Variants in MAST4 observed in about 807,000 individuals in gnomAD.
MAST4 encodes microtubule-associated serine/threonine-protein kinase 4.
A neutral mutation model predicts 162.7 loss-of-function variants in MAST4; 89 were observed. The observed-to-expected ratio is 0.55, with a 90% CI of 0.46 to 0.65. The LOEUF is 0.65. Ranked by LOEUF, MAST4 falls within the 30% of genes least tolerant of loss-of-function variation. The pLI is 0.00. For missense variants in MAST4, 3,153 were observed against 3,374.0 expected (o/e 0.93, Z 1.62); for synonymous variants, 1,479 against 1,361.1 (o/e 1.09, Z -1.91).
rs1406721966 is a variant in MAST4, at chr5:66,919,939, TC to T, written c.674+19959del. 3.1e-3 allele frequency among the ~76,000 whole-genome samples: 442 copies of T among 141,540 alleles called. 9 individuals carry two copies. Among genetic ancestry groups the T allele is most frequent in the South Asian group, 0.018 (74 of 4,194 alleles). 92.9% of individuals were successfully genotyped at this position (141,540 alleles called of 152,430 possible). A position where few individuals can be genotyped will look rare whatever the true frequency, so the allele number is the denominator to read the frequency against. ...TTCCTTCCTTCCTTCCTTCCTTCCT[TC>T]CTTCCTTCCTTCCTTCCTTCCTTCC... On this transcript the variant is annotated intron_variant, in intron 4 of 28. Coordinates refer to ENST00000403625, the MANE Select transcript of MAST4 (RefSeq NM_001164664.2).
At chr5:66,647,340 A>T (rs1237078203) in intron 1 of MAST4, among the ~76,000 whole-genome samples, 1 of 152,112 alleles carries the variant, frequency 6.6e-6, no homozygotes, top group Non-Finnish European at 1.5e-5. Flanking sequence ...CTCTCCTCCC[A>T]TTCCCCAGTG....
rs1182153155 is a variant in MAST4, at chr5:66,930,834, T to C, written c.674+30852T>C. On this transcript the variant is annotated intron_variant, in intron 4 of 28. Transcript: ENST00000403625. The stretch of plus-strand genomic sequence containing the variant: ...CTTTAGGATTACACAGTGCTGGACC[T>C]TTGAGGAAGGAGAAGCAGAGATGGA... The C allele has an allele frequency of 8.5e-6, 4 of 468,834 alleles. No homozygotes were observed. In the East Asian group the frequency reaches 2.8e-4, roughly 33 times the overall value. 29.0% of individuals were successfully genotyped at this position (468,834 alleles called of 1,614,324 possible). A position where few individuals can be genotyped will look rare whatever the true frequency, so the allele number is the denominator to read the frequency against.
chr5:67,111,222 TTAAAG>T (rs1172482705), intron 11 of MAST4, among the ~76,000 whole-genome samples: 3 of 152,206 alleles, frequency 2.0e-5, no homozygotes, highest in Non-Finnish European at 4.4e-5. Flanking sequence ...CCACTGGTTA[TTAAAG>T]TAATTATAAC....
At chr5:67,092,365 A>T (rs973133262) in intron 6 of MAST4, among the ~76,000 whole-genome samples, 7 of 152,238 alleles carry the variant, frequency 4.6e-5, no homozygotes, top group African/African-American at 1.7e-4. Flanking sequence ...ATAATGACAC[A>T]GACTTGCTTT....
chr5:67,008,186 G>A (rs1027901888), intron 4 of MAST4, among the ~76,000 whole-genome samples: 3 of 152,288 alleles, frequency 2.0e-5, no homozygotes, highest in Admixed American at 2.0e-4. Context: ...TGCTTTGAGG[G>A]ACAGAAACCT....
chr5:66,986,397 G>A (rs902592879), intron 4 of MAST4: 2 of 1,248,848 alleles, frequency 1.6e-6, no homozygotes, highest in Middle Eastern at 1.9e-4. Context: ...AAGAAAATCT[G>A]TAAATGTGCA....
rs372565122 is a variant in MAST4 at position 67,105,431 on chromosome 5, C to T, written c.1356+856C>T. Among the ~76,000 whole-genome samples the T allele has an allele frequency of 9.9e-5, 15 of 152,276 alleles. No individual in the cohort carries two copies. In the East Asian group the frequency reaches 1.2e-3, roughly 12 times the overall value. On this transcript the variant is annotated intron_variant, in intron 10 of 28. Transcript: ENST00000403625. ...CCTTGCCCCTGCAGAATTTAGCTGG[C>T]GAGATAAGATCCTTCTCTGGCTGGC...
At chr5:66,633,142 G>C (rs898881118) in intron 1 of MAST4, among the ~76,000 whole-genome samples, 1 of 152,160 alleles carries the variant, frequency 6.6e-6, no homozygotes, top group Non-Finnish European at 1.5e-5. Context: ...AAATACCCCA[G>C]TTTGAGAGTC....
chr5:66,906,397 C>T (rs1323863389), intron 4 of MAST4, among the ~76,000 whole-genome samples: 1 of 152,170 alleles, frequency 6.6e-6, no homozygotes, highest in African/African-American at 2.4e-5. Flanking sequence ...TTTCTCCATT[C>T]ACCCTTTCAT....
At chr5:66,658,005 G>A (rs1463377218) in intron 1 of MAST4, among the ~76,000 whole-genome samples, 4 of 152,290 alleles carry the variant, frequency 2.6e-5, no homozygotes, top group Middle Eastern at 3.4e-3. Context: ...TTTAGTGTAC[G>A]CATGTATATA....
rs770311936 is a variant in MAST4 at position 67,166,365 on chromosome 5, A to C, written c.7186A>C (p.Ser2396Arg). The C allele has an allele frequency of 6.2e-7, 1 of 1,611,182 alleles. No homozygotes were observed. The highest frequency in any genetic ancestry group is 1.3e-5 in the African/African-American group (1 of 75,022). Residue 2396 changes from serine (S) to arginine (R), a missense_variant, in exon 29 of 29, where the codon AGC becomes CGC. Physicochemically the swap from Ser to Arg is moderately radical, Grantham distance 110. Coordinates refer to ENST00000403625, the MANE Select transcript of MAST4 (RefSeq NM_001164664.2). ...KLEAGLSFVH[S>R]ENRLKGAERP... ...CGAGGCCGGCCTTTCCTTTGTGCAT[A>C]GCGAGAACCGGTTGAAAGGCGCGGA...
At chr5:66,864,412 G>A (rs947555989) in intron 3 of MAST4, among the ~76,000 whole-genome samples, 1 of 152,150 alleles carries the variant, frequency 6.6e-6, no homozygotes, top group African/African-American at 2.4e-5. Flanking sequence ...AGTAAGAGCC[G>A]GGAGCGGGCG....
chr5:67,043,839 T>A (rs1425828759), intron 4 of MAST4, among the ~76,000 whole-genome samples: 2 of 152,218 alleles, frequency 1.3e-5, no homozygotes, highest in East Asian at 3.8e-4. Context: ...TTCCCCAGTA[T>A]GTCTGTTGAC....
At chr5:66,834,323 A>G (rs1757808346) in intron 3 of MAST4, among the ~76,000 whole-genome samples, 1 of 152,160 alleles carries the variant, frequency 6.6e-6, no homozygotes, top group South Asian at 2.1e-4. Context: ...AGACGCGAAG[A>G]CGTGAGACAG....
chr5:67,107,793 C>G (rs1306425138), intron 10 of MAST4, among the ~76,000 whole-genome samples: 1 of 152,178 alleles, frequency 6.6e-6, no homozygotes, highest in Non-Finnish European at 1.5e-5. Flanking sequence ...GCTTTTATGT[C>G]TCCATTCTTT....
rs1352338331 is a variant in MAST4 at position 66,918,759 on chromosome 5, GA to G, written c.674+18783del. ...CTACCTATGTTTACTTGATTAAGTA[GA>G]AAAAATTATTAGTTTATTCTGTAGC... On this transcript the variant is annotated intron_variant, in intron 4 of 28. Transcript: ENST00000403625. 2.0e-5 allele frequency among the ~76,000 whole-genome samples: 3 copies of G among 152,188 alleles called. No homozygotes were observed. In the East Asian group the frequency reaches 5.8e-4, roughly 29 times the overall value.
At chr5:66,932,001 G>C (rs190797481) in intron 4 of MAST4, among the ~76,000 whole-genome samples, 1 of 152,276 alleles carries the variant, frequency 6.6e-6, no homozygotes, top group Non-Finnish European at 1.5e-5. Context: ...ATCTTCAATA[G>C]CTTAGCTGGT....
intron 4 of MAST4, among the ~76,000 whole-genome samples, chr5:66,921,088 C>T (rs1477603185): frequency 1.3e-5 from 2 of 152,018 alleles, no homozygotes; most frequent in African/African-American, 2.4e-5. Flanking sequence ...AATAATAAAG[C>T]AATGTTCACA....
At chr5:66,657,735 T>C (rs1746644357) in intron 1 of MAST4, among the ~76,000 whole-genome samples, 1 of 152,222 alleles carries the variant, frequency 6.6e-6, no homozygotes, top group Admixed American at 6.5e-5. Flanking sequence ...CTTTGCTGCC[T>C]GTCATTTCCT....
Sources: allele counts gnomAD v4.1 joint callset (sites outside exome capture counted in the v4.1 genomes callset), GRCh38; gene constraint gnomAD v4.1.1; transcripts MANE v1.5; gene names NCBI Gene and HGNC (gene_info 2026-07-23, HGNC 2026-07-21).